The following TRPC6 variants were observed in gnomAD, a reference collection of about 807,000 sequenced individuals.
The protein encoded by TRPC6 is short transient receptor potential channel 6.
TRPC6 carries 55 observed loss-of-function variants against 90.7 expected under a neutral mutation model. The ratio of observed to expected loss-of-function variants is 0.61; its 90% CI spans 0.49 to 0.76. The LOEUF (loss-of-function observed/expected upper bound fraction) is 0.76. Ranked by LOEUF, TRPC6 falls within the 30% of genes least tolerant of loss-of-function variation. TRPC6 has a pLI of 0.00. For missense variants in TRPC6, 989 were observed against 1,122.7 expected (o/e 0.88, Z 1.70); for synonymous variants, 393 against 393.0 (o/e 1.00, Z 0.00).
At chr11:101,557,589 A>C (rs1003016771) in intron 1 of TRPC6, among the ~76,000 whole-genome samples, 2 of 150,740 alleles carry the variant, frequency 1.3e-5, no homozygotes, top group African/African-American at 4.9e-5. Context: ...TAGATAATAT[A>C]ATTTTACATA....
chr11:101,515,980 G>A (rs1235762222), intron 1 of TRPC6, among the ~76,000 whole-genome samples: 1 of 151,874 alleles, frequency 6.6e-6, no homozygotes, highest in Admixed American at 6.6e-5. Flanking sequence ...ACGGCATTTG[G>A]TGAGGTTGGC....
rs7103383 is a variant in TRPC6 at position 101,480,367 on chromosome 11, T to A, written c.1510+2582A>T. On this transcript the variant is annotated intron_variant, in intron 5 of 12. Coordinates refer to ENST00000344327, the MANE Select transcript of TRPC6 (RefSeq NM_004621.6). ...CTTCTATATTCTCCCTCTTAGAGAC[T>A]GCAGTCACTACCTACCGGTCCAAGG... is the stretch of plus-strand genomic sequence containing the variant. Among the ~76,000 whole-genome samples the A allele has an allele frequency of 8.8e-3, 1,338 of 152,240 alleles. 10 individuals are homozygous for A. The highest frequency in any genetic ancestry group is 0.031 in the African/African-American group (1,274 of 41,530).
rs114153037 is a variant in TRPC6, at chr11:101,561,769, C to T, written c.170+21565G>A. Among the ~76,000 whole-genome samples, 1,275 of 151,384 alleles carry T rather than the reference C, an allele frequency of 8.4e-3. 19 individuals are homozygous for T. The highest frequency in any genetic ancestry group is 0.029 in the African/African-American group (1,208 of 41,304). On this transcript the variant is annotated intron_variant, in intron 1 of 12. Coordinates refer to ENST00000344327, the MANE Select transcript of TRPC6 (RefSeq NM_004621.6). Reference sequence around the variant, plus strand: ...GAAAGAAAAACAATTACAATATAAGCAAGCATAGTATGACCCCATTAAAAA... The same window carrying T: ...GAAAGAAAAACAATTACAATATAAGTAAGCATAGTATGACCCCATTAAAAA...
chr11:101,463,127 G>A (rs563312105), intron 10 of TRPC6, among the ~76,000 whole-genome samples: 1 of 152,264 alleles, frequency 6.6e-6, no homozygotes, highest in African/African-American at 2.4e-5. Flanking sequence ...ATTTGCGTAT[G>A]TTGAACCAGC....
At chr11:101,576,368 G>A (rs1862069980) in intron 1 of TRPC6, among the ~76,000 whole-genome samples, 1 of 152,166 alleles carries the variant, frequency 6.6e-6, no homozygotes, top group African/African-American at 2.4e-5. Context: ...TCTTTGTCAT[G>A]GCTGAGAGCT....
intron 4 of TRPC6, among the ~76,000 whole-genome samples, chr11:101,483,809 A>G (rs1432901898): frequency 2.6e-5 from 4 of 152,322 alleles, no homozygotes; most frequent in Non-Finnish European, 4.4e-5. Context: ...TCATTAGCTG[A>G]GTGACAATGA....
chr11:101,474,927 CTT>C (rs1447924306), intron 6 of TRPC6, among the ~76,000 whole-genome samples: 1 of 152,166 alleles, frequency 6.6e-6, no homozygotes, highest in Non-Finnish European at 1.5e-5. Context: ...CCTTCTCTCT[CTT>C]GGGAATTCTC....
rs549164601 is a variant in TRPC6, at chr11:101,579,467, G to A, written c.170+3867C>T. On this transcript the variant is annotated intron_variant, in intron 1 of 12. Coordinates refer to ENST00000344327, the MANE Select transcript of TRPC6 (RefSeq NM_004621.6). ...GGTCCACTGACTCTCACTCTTGGTC[G>A]ATTGTTTCCTTGTGTGTTTTGTTAT... is the stretch of plus-strand genomic sequence containing the variant. Among the ~76,000 whole-genome samples, 8 of 152,154 alleles carry A rather than the reference G, an allele frequency of 5.3e-5. No individual in the cohort carries two copies. In the South Asian group the frequency reaches 1.0e-3, roughly 20 times the overall value.
intron 2 of TRPC6, among the ~76,000 whole-genome samples, chr11:101,500,210 C>CT (rs373591780): frequency 0.17 from 23,924 of 137,290 alleles, 2,667 homozygotes; most frequent in African/African-American, 0.21. Flanking sequence ...TATTTTTTTT[C>CT]TTTCTTTTTT....
At chr11:101,463,718 G>A (rs1481114047) in intron 10 of TRPC6, among the ~76,000 whole-genome samples, 1 of 151,966 alleles carries the variant, frequency 6.6e-6, no homozygotes, top group Non-Finnish European at 1.5e-5. Context: ...TATTAGCCTG[G>A]CTAGTGGTCT....
chr11:101,519,464 C>T (rs977257017), intron 1 of TRPC6, among the ~76,000 whole-genome samples: 7 of 152,124 alleles, frequency 4.6e-5, no homozygotes, highest in African/African-American at 1.4e-4. Flanking sequence ...TCATTTTCCA[C>T]CGCTTTGAGG....
intron 1 of TRPC6, among the ~76,000 whole-genome samples, chr11:101,558,093 A>T (rs1435595578): frequency 1.3e-5 from 2 of 151,984 alleles, no homozygotes; most frequent in East Asian, 3.9e-4. Flanking sequence ...AAGCAAAAAG[A>T]ATAAAACTGA....
Position 101,484,168 on chromosome 11 carries a change from T to G in TRPC6, c.1294-1003A>C, listed in dbSNP as rs139845488. 5.4e-3 allele frequency among the ~76,000 whole-genome samples: 818 copies of G among 152,312 alleles called. 3 individuals are homozygous for G. Among genetic ancestry groups the G allele is most frequent in the African/African-American group, 0.019 (779 of 41,566 alleles). On this transcript the variant is annotated intron_variant, in intron 4 of 12. Transcript: ENST00000344327. ...CTTTACACTGTTAACTTGTAATCAT[T>G]ACAACAATTCAAAAGGGCAGGTGCA...
chr11:101,534,098 T>G (rs568336832), intron 1 of TRPC6, among the ~76,000 whole-genome samples: 6 of 152,248 alleles, frequency 3.9e-5, no homozygotes, highest in Admixed American at 3.9e-4. Flanking sequence ...GATACTGAAC[T>G]GGGCCCCGAT....
chr11:101,577,834 G>A (rs1268470865), intron 1 of TRPC6, among the ~76,000 whole-genome samples: 3 of 152,168 alleles, frequency 2.0e-5, no homozygotes, highest in African/African-American at 7.2e-5. Context: ...AAGAGCCTCA[G>A]GCTAGAGAGC....
rs1862241211 is a variant in TRPC6, at chr11:101,583,278, C to G, written c.170+56G>C. 2.0e-6 allele frequency: 3 copies of G among 1,530,470 alleles called. No homozygotes were observed. In the Admixed American group the frequency reaches 5.8e-5, roughly 30 times the overall value. The allele number at this position is 1,530,470 out of a possible 1,614,324, so 94.8% of individuals were successfully genotyped here. ...ACGGACTCGGCCACTCCTGCGAGCG[C>G]ACAACCTCCCTCCGCGCAGCCCGCG... On this transcript the variant is annotated intron_variant, in intron 1 of 12. Coordinates refer to ENST00000344327, the MANE Select transcript of TRPC6 (RefSeq NM_004621.6).
chr11:101,478,732 T>A (rs1859475345), intron 5 of TRPC6, among the ~76,000 whole-genome samples: 1 of 152,270 alleles, frequency 6.6e-6, no homozygotes, highest in Middle Eastern at 3.4e-3. Context: ...GATCTTGCGA[T>A]AAGGTGCTTA....
Position 101,504,402 on chromosome 11 carries a change from G to C in TRPC6, c.567C>G (p.Gly189=), listed in dbSNP as rs1435354697. The C allele has an allele frequency of 6.2e-7, 1 of 1,614,078 alleles. No homozygotes were observed. The highest frequency in any genetic ancestry group is 1.3e-5 in the African/African-American group (1 of 75,016). The change falls in exon 2 of 13, where the codon GGC becomes GGG. Residue 189 remains glycine, a synonymous_variant. Coordinates refer to ENST00000344327, the MANE Select transcript of TRPC6 (RefSeq NM_004621.6). ...GGCTAGGGCTGGTTGCTAACCTCTT[G>C]CCTTCAGCAAAAGCCGGATGACTGA... ...AILSHPAFAE[G]KRLATSPSQS...
chr11:101,472,055 G>T, intron 8 of TRPC6, 82 bp downstream of exon 8: 1 of 1,360,590 alleles, frequency 7.3e-7, no homozygotes, highest in South Asian at 1.2e-5. Flanking sequence ...AGCAGTCCAT[G>T]CTTTCATCCC....
Sources: gnomAD v4.1 joint callset for allele counts (sites outside exome capture counted in the v4.1 genomes callset) on GRCh38, gnomAD v4.1.1 for gene constraint, MANE v1.5 for transcripts, NCBI Gene and HGNC (gene_info 2026-07-23, HGNC 2026-07-21) for gene names.